The following DLGAP2 variants were observed in gnomAD, a reference collection of about 807,000 sequenced individuals.
DLGAP2 encodes the protein disks large-associated protein 2.
In DLGAP2, 26 loss-of-function variants were observed where a neutral mutation model predicts 100.3. The ratio of observed to expected loss-of-function variants is 0.26; its 90% CI spans 0.19 to 0.36. The LOEUF (loss-of-function observed/expected upper bound fraction) is 0.36, where lower values mean the gene tolerates loss of function less well. Among genes scored for constraint, DLGAP2 ranks in the 10% least tolerant of loss-of-function variants. DLGAP2 has a pLI of 1.00. For missense variants in DLGAP2, 1,858 were observed against 1,453.2 expected, an observed-to-expected ratio of 1.28 and a Z score of -4.53; for synonymous variants, 886 against 630.1, an observed-to-expected ratio of 1.41 and a Z score of -6.08.
chr8:1,518,029 G>C (rs1800455020), intron 4 of DLGAP2, among the ~76,000 whole-genome samples: 1 of 152,206 alleles, frequency 6.6e-6, no homozygotes, highest in African/African-American at 2.4e-5. Context: ...AATGACATCT[G>C]TAGAAAAATT....
chr8:1,324,917 C>A (rs117156969), intron 3 of DLGAP2, among the ~76,000 whole-genome samples: 1 of 152,202 alleles, frequency 6.6e-6, no homozygotes, highest in African/African-American at 2.4e-5. Context: ...TCTTCCAGAT[C>A]GTGCTGACCT....
At chr8:1,673,435 A>C (rs1284202680) in intron 10 of DLGAP2, among the ~76,000 whole-genome samples, 1 of 152,220 alleles carries the variant, frequency 6.6e-6, no homozygotes, top group East Asian at 1.9e-4. Flanking sequence ...CTCCTGGCCA[A>C]GTATGATTTT....
chr8:1,658,512 A>G (rs550154912), intron 8 of DLGAP2, among the ~76,000 whole-genome samples: 1 of 152,190 alleles, frequency 6.6e-6, no homozygotes, highest in South Asian at 2.1e-4. Context: ...ATTACTGCCT[A>G]TTTCAGAACT....
intron 2 of DLGAP2, among the ~76,000 whole-genome samples, chr8:983,385 A>G (rs970846119): frequency 5.3e-5 from 8 of 150,916 alleles, no homozygotes; most frequent in Non-Finnish European, 1.0e-4. Flanking sequence ...GGTGGAAGGT[A>G]CAGGTCGTCG....
At chr8:1,165,998 T>G (rs976423442) in intron 2 of DLGAP2, among the ~76,000 whole-genome samples, 1 of 152,192 alleles carries the variant, frequency 6.6e-6, no homozygotes, top group Non-Finnish European at 1.5e-5. Context: ...TTGGAAAAAA[T>G]GTGGCTAATT....
chr8:1,011,864 A>C (rs1801299740), intron 2 of DLGAP2, among the ~76,000 whole-genome samples: 1 of 152,110 alleles, frequency 6.6e-6, no homozygotes, highest in East Asian at 1.9e-4. Flanking sequence ...ACAGATGTGG[A>C]ACCAGGAGTT....
chr8:919,450 C>CCTGCTGATGAGCTCCCCCA (rs529334881), intron 2 of DLGAP2, among the ~76,000 whole-genome samples: 61 of 152,248 alleles, frequency 4.0e-4, no homozygotes, highest in African/African-American at 6.5e-4. Flanking sequence ...GTGAGTCCCC[C>CCTGCTGATGAGCTCCCCCA]CTGCTGATGA....
chr8:1,649,396 G>C (rs368815856), intron 8 of DLGAP2, among the ~76,000 whole-genome samples: 63 of 152,308 alleles, frequency 4.1e-4, no homozygotes, highest in African/African-American at 1.5e-3. Flanking sequence ...TATATTGTCA[G>C]CAGTGGTGTT....
At chr8:1,236,150 T>C (rs1351618900) in intron 2 of DLGAP2, among the ~76,000 whole-genome samples, 2 of 109,720 alleles carry the variant, frequency 1.8e-5, no homozygotes, top group Non-Finnish European at 3.6e-5. Context: ...TAGTTCTCTC[T>C]CACACATAGC....
intron 2 of DLGAP2, among the ~76,000 whole-genome samples, chr8:1,102,813 G>T (rs1350169816): frequency 6.6e-6 from 1 of 152,076 alleles, no homozygotes; most frequent in Non-Finnish European, 1.5e-5. Flanking sequence ...TGGGGGAGGT[G>T]ACGGGGCAGA....
intron 2 of DLGAP2, among the ~76,000 whole-genome samples, chr8:1,168,205 A>G (rs538644852): frequency 2.0e-5 from 3 of 152,100 alleles, no homozygotes; most frequent in South Asian, 2.1e-4. Flanking sequence ...TAGAAAGGAC[A>G]TGAACTCATC....
intron 3 of DLGAP2, among the ~76,000 whole-genome samples, chr8:1,426,596 A>T (rs962920186): frequency 6.6e-6 from 1 of 152,150 alleles, no homozygotes; most frequent in Non-Finnish European, 1.5e-5. Context: ...AAAATCCCCA[A>T]CCTGGACAGA....
chr8:1,018,823 A>C (rs1801545763), intron 2 of DLGAP2: 1 of 152,206 alleles, frequency 6.6e-6, no homozygotes, highest in African/African-American at 2.4e-5. Flanking sequence ...CTGTTAAAAA[A>C]CTGTTTGGCA....
At chr8:910,464 A>G (rs17065459) in intron 2 of DLGAP2, 35,571 of 152,080 alleles carry the variant, frequency 0.23, 4,549 homozygotes, top group Admixed American at 0.41. Flanking sequence ...TTCTCAGAAA[A>G]GTGTGTTTGT....
At chr8:1,314,722 G>A (rs529883861) in intron 3 of DLGAP2, among the ~76,000 whole-genome samples, 19 of 152,302 alleles carry the variant, frequency 1.2e-4, no homozygotes, top group Admixed American at 2.0e-4. Flanking sequence ...CTCCTGCTCC[G>A]GAGGTCGAGG....
intron 1 of DLGAP2, among the ~76,000 whole-genome samples, chr8:740,600 T>C (rs1249683167): frequency 6.6e-6 from 1 of 152,230 alleles, no homozygotes; most frequent in Non-Finnish European, 1.5e-5. Flanking sequence ...TTAAATTACA[T>C]TGGATTCTGT....
intron 2 of DLGAP2, among the ~76,000 whole-genome samples, chr8:1,077,177 T>C (rs1803648330): frequency 1.3e-5 from 2 of 152,220 alleles, no homozygotes; most frequent in African/African-American, 4.8e-5. Context: ...GTCCTCCGGT[T>C]TCTGCTTCTG....
At chr8:894,571 C>G (rs1055707225) in intron 1 of DLGAP2, among the ~76,000 whole-genome samples, 42 of 127,476 alleles carry the variant, frequency 3.3e-4, no homozygotes, top group African/African-American at 1.2e-3. Context: ...TATGACAAGG[C>G]AAATGTATGG....
chr8:844,832 C>G (rs187864508), intron 1 of DLGAP2, among the ~76,000 whole-genome samples: 83 of 152,316 alleles, frequency 5.4e-4, no homozygotes, highest in African/African-American at 1.9e-3. Context: ...TCCTCTCTTC[C>G]CCTGCCTCCT....
Sources: allele counts gnomAD v4.1 joint callset (sites outside exome capture counted in the v4.1 genomes callset), GRCh38; gene constraint gnomAD v4.1.1; transcripts MANE v1.5; gene names NCBI Gene and HGNC (gene_info 2026-07-23, HGNC 2026-07-21).